Variants in HS3ST4 observed in about 807,000 individuals in gnomAD.
HS3ST4 encodes the protein heparan sulfate glucosamine 3-O-sulfotransferase 4.
In HS3ST4, 17 loss-of-function variants were observed where a neutral mutation model predicts 29.2. The ratio of observed to expected loss-of-function variants is 0.58; its 90% CI spans 0.40 to 0.87. The LOEUF (loss-of-function observed/expected upper bound fraction) is 0.87. Ranked by LOEUF, HS3ST4 falls within the 40% of genes least tolerant of loss-of-function variation. The pLI is 0.00. For missense variants in HS3ST4, 627 were observed against 634.5 expected (o/e 0.99, Z 0.13); for synonymous variants, 314 against 285.7 (o/e 1.10, Z -1.00).
intron 1 of HS3ST4, among the ~76,000 whole-genome samples, chr16:26,054,827 C>T (rs889134121): frequency 6.6e-6 from 1 of 151,878 alleles, no homozygotes; most frequent in Non-Finnish European, 1.5e-5. Flanking sequence ...AGACAGTGCT[C>T]TTTTATCTAG....
intron 1 of HS3ST4, among the ~76,000 whole-genome samples, chr16:25,873,341 T>C (rs1460015628): frequency 8.8e-5 from 13 of 146,946 alleles, no homozygotes; most frequent in African/African-American, 2.7e-4. Context: ...CTTCCTTTCA[T>C]CCATCTATCC....
At chr16:26,109,796 A>T (rs1004564414) in intron 1 of HS3ST4, among the ~76,000 whole-genome samples, 1 of 152,066 alleles carries the variant, frequency 6.6e-6, no homozygotes, top group South Asian at 2.1e-4. Flanking sequence ...TAAAAATTAC[A>T]TATGCAGTAT....
chr16:25,837,074 C>T (rs1018392384), intron 1 of HS3ST4, among the ~76,000 whole-genome samples: 8 of 152,194 alleles, frequency 5.3e-5, no homozygotes, highest in African/African-American at 1.7e-4. Context: ...TTTTCCAATC[C>T]GCAGTTCATG....
chr16:25,849,488 C>T (rs752564521), intron 1 of HS3ST4, among the ~76,000 whole-genome samples: 19 of 151,918 alleles, frequency 1.3e-4, no homozygotes, highest in African/African-American at 2.2e-4. Context: ...CTTTCTTTAG[C>T]GCTTCTTTTT....
chr16:25,802,443 T>TA (rs1436398058), intron 1 of HS3ST4, among the ~76,000 whole-genome samples: 1 of 152,146 alleles, frequency 6.6e-6, no homozygotes, highest in African/African-American at 2.4e-5. Context: ...CTACCTCTGT[T>TA]ATGGTTTCAG....
intron 1 of HS3ST4, among the ~76,000 whole-genome samples, chr16:25,788,540 C>CTT (rs34729954): frequency 0.21 from 20,246 of 97,904 alleles, 2,617 homozygotes; most frequent in Admixed American, 0.28. Flanking sequence ...TTCTTTTCTT[C>CTT]TTTCTTTTTT....
chr16:25,863,488 T>C (rs1967659653), intron 1 of HS3ST4, among the ~76,000 whole-genome samples: 1 of 152,224 alleles, frequency 6.6e-6, no homozygotes, highest in South Asian at 2.1e-4. Flanking sequence ...ACTATACTTT[T>C]ATAAGTAGAG....
chr16:25,816,400 A>G (rs1013959069), intron 1 of HS3ST4, among the ~76,000 whole-genome samples: 7 of 152,056 alleles, frequency 4.6e-5, no homozygotes, highest in African/African-American at 1.7e-4. Context: ...TACCTCCAGC[A>G]CCCGTCCAGA....
At chr16:25,901,690 T>A (rs1220095413) in intron 1 of HS3ST4, among the ~76,000 whole-genome samples, 1 of 55,022 alleles carries the variant, frequency 1.8e-5, no homozygotes, top group Non-Finnish European at 3.9e-5. Context: ...AAAAAAATGC[T>A]CTCTCATCTT....
Position 25,850,076 on chromosome 16 carries a change from T to G in HS3ST4, c.734+156925T>G, listed in dbSNP as rs1213393200. 2.0e-5 allele frequency among the ~76,000 whole-genome samples: 3 copies of G among 151,092 alleles called. No individual in the cohort carries two copies. In the East Asian group the frequency reaches 5.8e-4, roughly 29 times the overall value. On this transcript the variant is annotated intron_variant, in intron 1 of 1. Coordinates refer to ENST00000331351, the MANE Select transcript of HS3ST4 (RefSeq NM_006040.3). ...GTGCAATGGTGTGATCTTGGCTCAC[T>G]GCAACCTCCGCCTCCCTGGTTCAGG...
intron 1 of HS3ST4, among the ~76,000 whole-genome samples, chr16:25,870,073 C>T (rs1248413963): frequency 1.4e-5 from 2 of 147,252 alleles, no homozygotes; most frequent in African/African-American, 2.4e-5. Flanking sequence ...CATTCATCCA[C>T]TTATGCATCC....
At chr16:25,925,560 T>C (rs573928760) in intron 1 of HS3ST4, among the ~76,000 whole-genome samples, 3 of 152,258 alleles carry the variant, frequency 2.0e-5, no homozygotes, top group South Asian at 4.1e-4. Context: ...AGAAACCTCT[T>C]GTGTCGTCTC....
chr16:25,744,463 T>G (rs1966673291), intron 1 of HS3ST4, among the ~76,000 whole-genome samples: 1 of 152,196 alleles, frequency 6.6e-6, no homozygotes, highest in Non-Finnish European at 1.5e-5. Flanking sequence ...TAAATAGCAG[T>G]GCCTTAAATA....
rs11860934 is a variant in HS3ST4 at position 25,996,605 on chromosome 16, G to A, written c.735-139007G>A. On this transcript the variant is annotated intron_variant, in intron 1 of 1. Coordinates refer to ENST00000331351, the MANE Select transcript of HS3ST4 (RefSeq NM_006040.3). ...TCTTATATTATGCAACTTATCTCAA[G>A]GTTAATTTTCCCCCAATCTATTTAT... Among the ~76,000 whole-genome samples, 970 of 152,136 alleles carry A rather than the reference G, an allele frequency of 6.4e-3. 11 individuals carry two copies. Among genetic ancestry groups the A allele is most frequent in the African/African-American group, 0.023 (940 of 41,502 alleles).
intron 1 of HS3ST4, chr16:25,933,479 C>T (rs913353521): frequency 1.1e-5 from 5 of 471,936 alleles, no homozygotes; most frequent in African/African-American, 2.0e-5. Context: ...TAGAGTGGAA[C>T]ACAAAATTTT....
intron 1 of HS3ST4, among the ~76,000 whole-genome samples, chr16:25,969,405 T>C (rs1468543187): frequency 6.6e-6 from 1 of 152,256 alleles, no homozygotes; most frequent in Non-Finnish European, 1.5e-5. Context: ...AGAATAGTGC[T>C]ATCCAGCGCT....
intron 1 of HS3ST4, among the ~76,000 whole-genome samples, chr16:25,893,410 C>A (rs966674374): frequency 2.0e-5 from 3 of 152,196 alleles, no homozygotes; most frequent in Non-Finnish European, 2.9e-5. Context: ...GACAAAGTCC[C>A]AGGAAGGGAT....
intron 1 of HS3ST4, among the ~76,000 whole-genome samples, chr16:26,021,608 C>T (rs1480208859): frequency 6.6e-6 from 1 of 152,126 alleles, no homozygotes; most frequent in East Asian, 1.9e-4. Context: ...ATCAGACATG[C>T]GGCCCCTTCC....
chr16:25,740,178 G>C (rs1324611905), intron 1 of HS3ST4, among the ~76,000 whole-genome samples: 1 of 152,136 alleles, frequency 6.6e-6, no homozygotes, highest in Non-Finnish European at 1.5e-5. Context: ...TTGGGGTCAT[G>C]AGGCACTGGA....
Sources: gnomAD v4.1 joint callset for allele counts (sites outside exome capture counted in the v4.1 genomes callset) on GRCh38, gnomAD v4.1.1 for gene constraint, MANE v1.5 for transcripts, NCBI Gene and HGNC (gene_info 2026-07-23, HGNC 2026-07-21) for gene names.